FBXW11: variants seen among roughly 807,000 people sequenced by gnomAD.
The protein encoded by FBXW11 is F-box and WD repeat domain containing 11, also known as F-box/WD repeat-containing protein 11.
FBXW11 carries 19 observed loss-of-function variants against 77.6 expected under a neutral mutation model. The observed-to-expected ratio is 0.24, with a 90% CI of 0.17 to 0.36. The LOEUF is 0.36. FBXW11 is among the 10% of genes least tolerant of loss of function. The probability of loss-of-function intolerance (pLI) is 1.00; values close to 1 mark genes in which losing one functional copy is unlikely to be tolerated. For synonymous variants in FBXW11, 235 were observed against 249.4 expected, an observed-to-expected ratio of 0.94 and a Z score of 0.54; for missense variants, 334 against 704.2, an observed-to-expected ratio of 0.47 and a Z score of 5.95.
At chr5:171,908,219 TC>T (rs1204888792) in intron 4 of FBXW11, among the ~76,000 whole-genome samples, 1 of 152,140 alleles carries the variant, frequency 6.6e-6, no homozygotes, top group Non-Finnish European at 1.5e-5. Flanking sequence ...TCATCTTACT[TC>T]CATTCACCTG....
rs551200494 is a variant in FBXW11, at chr5:171,924,893, C to T, written c.148-10488G>A. Among the ~76,000 whole-genome samples the T allele has an allele frequency of 3.2e-4, 48 of 152,188 alleles. No homozygotes were observed. The South Asian group carries it at 9.3e-3, about 30-fold the overall frequency. On this transcript the variant is annotated intron_variant, in intron 2 of 13. Coordinates refer to ENST00000517395, the MANE Select transcript of FBXW11 (RefSeq NM_001378974.1). The stretch of plus-strand genomic sequence containing the variant: ...TGCTGTAACACCCTCTTTGGGGTCA[C>T]GCGGATGCTGGTGTCTCCAAAAGTT...
chr5:171,925,678 T>G (rs923268572), intron 2 of FBXW11, among the ~76,000 whole-genome samples: 3 of 152,162 alleles, frequency 2.0e-5, no homozygotes, highest in African/African-American at 7.2e-5. Flanking sequence ...GGAGACAAGA[T>G]CTCAGTATGT....
intron 1 of FBXW11, among the ~76,000 whole-genome samples, chr5:171,974,475 T>C (rs1406266168): frequency 6.6e-6 from 1 of 150,932 alleles, no homozygotes; most frequent in Non-Finnish European, 1.5e-5. Context: ...CACACACATA[T>C]ATACAGGTAG....
rs1760376822 is a variant in FBXW11, at chr5:171,904,979, C to T, written c.437-4879G>A. On this transcript the variant is annotated intron_variant, in intron 4 of 13. Coordinates refer to ENST00000517395, the MANE Select transcript of FBXW11 (RefSeq NM_001378974.1). The surrounding 1 kb of genome is among the most constrained non-coding windows in gnomAD (Gnocchi z 4.0). ...TCCTCTTTGATTCCCCCATCAATTG[C>T]TCACAACTAGGCTATCATGAGTTTT... Among the ~76,000 whole-genome samples, 1 of 152,160 alleles carries T rather than the reference C, an allele frequency of 6.6e-6. No individual in the cohort carries two copies. Among genetic ancestry groups the T allele is most frequent in the South Asian group, 2.1e-4 (1 of 4,828 alleles).
chr5:171,941,559 G>A (rs1392185884), intron 2 of FBXW11, among the ~76,000 whole-genome samples: 3 of 151,094 alleles, frequency 2.0e-5, no homozygotes, highest in Non-Finnish European at 2.9e-5. Flanking sequence ...TTTGATTCTC[G>A]TATTATGACT....
chr5:171,971,358 C>T (rs1192776472), intron 1 of FBXW11, among the ~76,000 whole-genome samples: 2 of 152,198 alleles, frequency 1.3e-5, no homozygotes, highest in Non-Finnish European at 2.9e-5. Flanking sequence ...TTATAAACTA[C>T]TGCAGAAACA....
At chr5:171,893,443 A>AAAAAAAAAAAC (rs1581161758) in intron 6 of FBXW11, among the ~76,000 whole-genome samples, 1 of 149,732 alleles carries the variant, frequency 6.7e-6, no homozygotes, top group East Asian at 2.0e-4. Context: ...AAAAAAAAAA[A>AAAAAAAAAAAC]AAAACTAACC....
chr5:171,926,729 G>T (rs1013283480), intron 2 of FBXW11, among the ~76,000 whole-genome samples: 1 of 152,100 alleles, frequency 6.6e-6, no homozygotes, highest in African/African-American at 2.4e-5. Context: ...CCAATCTCAG[G>T]TATTTCTTTA....
At chr5:171,914,118 A>C (rs752754756) in intron 3 of FBXW11, among the ~76,000 whole-genome samples, 7 of 152,254 alleles carry the variant, frequency 4.6e-5, no homozygotes, top group Non-Finnish European at 1.0e-4. Flanking sequence ...ATTTTAGGCT[A>C]CAGCCAACTT....
At chr5:171,955,479 G>A (rs1763558821) in intron 2 of FBXW11, among the ~76,000 whole-genome samples, 1 of 152,176 alleles carries the variant, frequency 6.6e-6, no homozygotes, top group Non-Finnish European at 1.5e-5. Flanking sequence ...GGCCTTCTTT[G>A]AGAGCCCAAA....
rs193245531 is a variant in FBXW11 at position 171,955,143 on chromosome 5, C to T, written c.147+2454G>A. Among the ~76,000 whole-genome samples, 55 of 152,302 alleles carry T rather than the reference C, an allele frequency of 3.6e-4. 2 individuals are homozygous for T. The East Asian group carries it at 8.9e-3, about 25-fold the overall frequency. ...TCTGATACCTGTTTTCCCTTCTAGA[C>T]GATGGTAGAAACTTCCGGAATGGGT... On this transcript the variant is annotated intron_variant, in intron 2 of 13. Transcript: ENST00000517395.
intron 2 of FBXW11, among the ~76,000 whole-genome samples, chr5:171,952,435 A>ATTTTT: frequency 8.5e-5 from 1 of 11,720 alleles, no homozygotes; most frequent in African/African-American, 2.7e-4. Flanking sequence ...ATATATATAT[A>ATTTTT]TATATATATA....
intron 7 of FBXW11, among the ~76,000 whole-genome samples, chr5:171,885,604 T>C (rs1758826478): frequency 1.3e-5 from 2 of 152,208 alleles, no homozygotes; most frequent in Admixed American, 1.3e-4. Flanking sequence ...AGCAACTTCT[T>C]ACGTACCAAA....
At chr5:171,961,648 G>C (rs1047773153) in intron 1 of FBXW11, among the ~76,000 whole-genome samples, 1 of 136,628 alleles carries the variant, frequency 7.3e-6, no homozygotes, top group Non-Finnish European at 1.5e-5. Flanking sequence ...AACAGTAATT[G>C]ATTTTTTTTT....
rs1758101878 is a variant in FBXW11, at chr5:171,876,653, A to G, written c.972-119T>C. On this transcript the variant is annotated intron_variant, in intron 8 of 13. Transcript: ENST00000517395. The surrounding 1 kb of genome is among the most constrained non-coding windows in gnomAD (Gnocchi z 4.2). ...GATATAGTTTGTCTGACTCTACCAA[A>G]TCTCATGTTGAAATTGATCCTCAAT... 1 of 1,299,616 alleles carries G rather than the reference A, an allele frequency of 7.7e-7. No individual in the cohort carries two copies. Among genetic ancestry groups the G allele is most frequent in the South Asian group, 1.4e-5 (1 of 70,756 alleles). The allele number at this position is 1,299,616 out of a possible 1,614,324, so 80.5% of individuals were successfully genotyped here.
intron 1 of FBXW11, among the ~76,000 whole-genome samples, chr5:171,988,172 G>A (rs960013354): frequency 6.6e-6 from 1 of 152,122 alleles, no homozygotes. Context: ...TCCACTGAAA[G>A]GGTCTAGAAG....
In FBXW11 at chr5:171,971,335, G is replaced by A. The variant is rs558845650; in HGVS notation, c.46-13637C>T. 1.1e-4 allele frequency among the ~76,000 whole-genome samples: 17 copies of A among 152,222 alleles called. No homozygotes were observed. The South Asian group carries it at 3.1e-3, about 28-fold the overall frequency. On this transcript the variant is annotated intron_variant, in intron 1 of 13. Transcript: ENST00000517395. The stretch of plus-strand genomic sequence containing the variant: ...ACAAAGGAATATATTTATCATCTAA[G>A]GTTACAAAAGTCTTATAAACTACTG...
intron 5 of FBXW11, 56 bp downstream of exon 5, chr5:171,899,858 A>G: frequency 7.1e-7 from 1 of 1,410,578 alleles, no homozygotes; most frequent in South Asian, 1.6e-5. Context: ...TGAGTAATCA[A>G]GCTGACTCTA....
At chr5:171,914,864 CCT>C (rs374367682) in intron 2 of FBXW11, among the ~76,000 whole-genome samples, 168 of 152,304 alleles carry the variant, frequency 1.1e-3, no homozygotes, top group African/African-American at 3.8e-3. Flanking sequence ...TCTTTCCTCC[CCT>C]GATAGCCTTG....
Sources: allele counts gnomAD v4.1 joint callset (sites outside exome capture counted in the v4.1 genomes callset), GRCh38; gene constraint gnomAD v4.1.1; non-coding constraint Gnocchi (gnomAD v3.1); transcripts MANE v1.5; gene names NCBI Gene and HGNC (gene_info 2026-07-23, HGNC 2026-07-21).